Variants in AUTS2 observed in about 807,000 individuals in gnomAD.
AUTS2 encodes the protein autism susceptibility gene 2 protein.
AUTS2 carries 17 observed loss-of-function variants against 112.4 expected under a neutral mutation model. The ratio of observed to expected loss-of-function variants is 0.15; its 90% CI spans 0.10 to 0.23. The LOEUF (loss-of-function observed/expected upper bound fraction) is 0.23, where lower values mean the gene tolerates loss of function less well. AUTS2 is among the 10% of genes least tolerant of loss of function. The pLI, the probability that AUTS2 is intolerant of heterozygous loss-of-function variation, is 1.00. For synonymous variants in AUTS2, 751 were observed against 702.7 expected, an observed-to-expected ratio of 1.07 and a Z score of -1.09; for missense variants, 1,510 against 1,701.6, an observed-to-expected ratio of 0.89 and a Z score of 1.98.
At chr7:69,664,594 A>C (rs1157824176) in intron 1 of AUTS2, among the ~76,000 whole-genome samples, 1 of 152,172 alleles carries the variant, frequency 6.6e-6, no homozygotes, top group Non-Finnish European at 1.5e-5. Flanking sequence ...TGTTCAAGCA[A>C]AGCATGGCAA....
At chr7:70,474,616 AC>A (rs1797511756) in intron 5 of AUTS2, among the ~76,000 whole-genome samples, 1 of 152,178 alleles carries the variant, frequency 6.6e-6, no homozygotes, top group Admixed American at 6.5e-5. Flanking sequence ...CTTTCCATTT[AC>A]CTCATTTATT....
intron 1 of AUTS2, among the ~76,000 whole-genome samples, chr7:69,622,550 T>C (rs936104916): frequency 6.6e-6 from 1 of 152,188 alleles, no homozygotes; most frequent in Non-Finnish European, 1.5e-5. Flanking sequence ...AACAATGTAA[T>C]AATGATAATG....
At chr7:70,271,337 A>G (rs577233828) in intron 4 of AUTS2, among the ~76,000 whole-genome samples, 4 of 152,138 alleles carry the variant, frequency 2.6e-5, no homozygotes, top group Non-Finnish European at 5.9e-5. Flanking sequence ...AATTATTATT[A>G]ATATATATTA....
Position 70,446,082 on chromosome 7 carries a change from G to A in AUTS2, c.690+10301G>A, listed in dbSNP as rs138358211. On this transcript the variant is annotated intron_variant, in intron 5 of 18. Transcript: ENST00000342771. The stretch of plus-strand genomic sequence containing the variant: ...TGGCTCCTGCACTGCACCCTCTAAG[G>A]TAGTTTTGTTCTGAGTTATAATTCG... 2.0e-5 allele frequency among the ~76,000 whole-genome samples: 3 copies of A among 152,266 alleles called. No homozygotes were observed. In the South Asian group the frequency reaches 6.2e-4, roughly 32 times the overall value.
intron 3 of AUTS2, among the ~76,000 whole-genome samples, chr7:70,128,472 T>C (rs1806094704): frequency 6.6e-6 from 1 of 152,200 alleles, no homozygotes; most frequent in African/African-American, 2.4e-5. Flanking sequence ...CCTTTCTGTG[T>C]AGGTGACATT....
In AUTS2 at chr7:70,485,338, G is replaced by T. The variant is rs535922206; in HGVS notation, c.690+49557G>T. Among the ~76,000 whole-genome samples the T allele has an allele frequency of 2.6e-4, 40 of 152,282 alleles. 1 individual carries two copies. The highest frequency in any genetic ancestry group is 9.4e-4 in the African/African-American group (39 of 41,552). ...CTTTGCAGCACCATGGATGGAGCTG[G>T]AGGCCATTATTCTAAGTGAAGTAAT... On this transcript the variant is annotated intron_variant, in intron 5 of 18. Coordinates refer to ENST00000342771, the MANE Select transcript of AUTS2 (RefSeq NM_015570.4).
At chr7:70,555,424 G>A (rs1366635658) in intron 5 of AUTS2, among the ~76,000 whole-genome samples, 1 of 152,212 alleles carries the variant, frequency 6.6e-6, no homozygotes, top group Non-Finnish European at 1.5e-5. Context: ...CCTTGAGTAT[G>A]CTGAGCACAT....
intron 5 of AUTS2, among the ~76,000 whole-genome samples, chr7:70,514,613 C>G (rs1224723609): frequency 6.6e-6 from 1 of 152,212 alleles, no homozygotes; most frequent in Non-Finnish European, 1.5e-5. Context: ...CACTAGGCCC[C>G]GCCTCCAACA....
At chr7:70,566,136 A>G (rs905717643) in intron 5 of AUTS2, among the ~76,000 whole-genome samples, 1 of 152,158 alleles carries the variant, frequency 6.6e-6, no homozygotes, top group African/African-American at 2.4e-5. Context: ...GAAACCTCCA[A>G]ATAATAGCAC....
intron 1 of AUTS2, among the ~76,000 whole-genome samples, chr7:69,799,872 T>C (rs1790007407): frequency 1.3e-5 from 2 of 152,298 alleles, no homozygotes; most frequent in South Asian, 4.2e-4. Flanking sequence ...GTCTGGAGTA[T>C]GCCCAACCCC....
chr7:70,637,696 C>T (rs750826015), intron 5 of AUTS2, among the ~76,000 whole-genome samples: 3 of 152,068 alleles, frequency 2.0e-5, no homozygotes, highest in African/African-American at 4.8e-5. Flanking sequence ...GAAGGCTCAG[C>T]GATTTCCCTA....
At chr7:69,709,828 C>G (rs1036881229) in intron 1 of AUTS2, among the ~76,000 whole-genome samples, 1 of 152,160 alleles carries the variant, frequency 6.6e-6, no homozygotes. Flanking sequence ...TCAGATAACT[C>G]TTGCTACCGT....
chr7:70,275,542 A>G (rs963910777), intron 4 of AUTS2, among the ~76,000 whole-genome samples: 2 of 151,810 alleles, frequency 1.3e-5, no homozygotes, highest in African/African-American at 4.8e-5. Flanking sequence ...TTAGAATGGT[A>G]AAAAAAAATT....
intron 1 of AUTS2, among the ~76,000 whole-genome samples, chr7:69,838,693 T>A (rs1263802691): frequency 6.6e-6 from 1 of 152,170 alleles, no homozygotes; most frequent in African/African-American, 2.4e-5. Context: ...CTTCTTTAAA[T>A]GGAGATATTA....
chr7:70,577,596 GATT>G (rs1409128265), intron 5 of AUTS2, among the ~76,000 whole-genome samples: 1 of 152,176 alleles, frequency 6.6e-6, no homozygotes. Context: ...GCTTGTCTGA[GATT>G]ATTGTCATTT....
intron 1 of AUTS2, among the ~76,000 whole-genome samples, chr7:69,811,757 A>G (rs1291090004): frequency 6.6e-6 from 1 of 151,994 alleles, no homozygotes; most frequent in East Asian, 1.9e-4. Context: ...CTGTTCCCCC[A>G]ATGCATGTTG....
Position 69,844,765 on chromosome 7 carries a change from C to T in AUTS2, c.310-54521C>T, listed in dbSNP as rs75708608. Among the ~76,000 whole-genome samples the T allele has an allele frequency of 1.3e-4, 20 of 152,224 alleles. 1 individual carries two copies. The highest frequency in any genetic ancestry group is 5.9e-4 in the Admixed American group (9 of 15,280). On this transcript the variant is annotated intron_variant, in intron 1 of 18. Transcript: ENST00000342771. ...AATGTTTGAATTCCTTTAGTTTTAT[C>T]GGTAGATCTTAGCCCTGGCATTTAG...
At position 69,647,979 on chromosome 7, in the gene AUTS2, C is replaced by T. The variant is rs78837027; in HGVS notation, c.309+48017C>T. ...GGCCATCTTCTGGTAAGGACATCTG[C>T]CCTAATCCACCCTAATCCAGTATGC... On this transcript the variant is annotated intron_variant, in intron 1 of 18. Transcript: ENST00000342771. Among the ~76,000 whole-genome samples, 1,225 of 152,262 alleles carry T rather than the reference C, an allele frequency of 8.0e-3. 12 individuals carry two copies. The highest frequency in any genetic ancestry group is 0.052 in the East Asian group (271 of 5,180).
chr7:69,707,394 G>T (rs992239663), intron 1 of AUTS2, among the ~76,000 whole-genome samples: 1 of 152,152 alleles, frequency 6.6e-6, no homozygotes, highest in African/African-American at 2.4e-5. Flanking sequence ...GCTTATTACA[G>T]AACTCAGAGT....
Sources: allele counts gnomAD v4.1 joint callset (sites outside exome capture counted in the v4.1 genomes callset), GRCh38; gene constraint gnomAD v4.1.1; transcripts MANE v1.5; gene names NCBI Gene and HGNC (gene_info 2026-07-23, HGNC 2026-07-21).